The following DCC variants were observed in gnomAD, a reference collection of about 807,000 sequenced individuals.
DCC encodes netrin receptor DCC.
A neutral mutation model predicts 172.5 loss-of-function variants in DCC; 58 were observed. That is an observed-to-expected ratio of 0.34 (90% CI 0.27 to 0.42). The LOEUF is 0.42. Ranked by LOEUF, DCC falls within the 10% of genes least tolerant of loss-of-function variation. The pLI is 1.00. For missense variants in DCC, 1,740 were observed against 1,791.0 expected (o/e 0.97, Z 0.51); for synonymous variants, 709 against 644.5 (o/e 1.10, Z -1.52).
chr18:52,945,162 A>G (rs546613372), intron 5 of DCC, among the ~76,000 whole-genome samples: 1 of 152,352 alleles, frequency 6.6e-6, no homozygotes, highest in African/African-American at 2.4e-5. Context: ...TAATTTGACA[A>G]TTATGCCCCC....
At chr18:53,021,998 T>C (rs2041888283) in intron 5 of DCC, among the ~76,000 whole-genome samples, 1 of 152,218 alleles carries the variant, frequency 6.6e-6, no homozygotes, top group Admixed American at 6.5e-5. Context: ...AATTAAAATG[T>C]TGGGAAAGCT....
At chr18:53,096,218 A>T (rs2043086245) in intron 7 of DCC, among the ~76,000 whole-genome samples, 1 of 152,182 alleles carries the variant, frequency 6.6e-6, no homozygotes, top group Non-Finnish European at 1.5e-5. Flanking sequence ...GCAAGTCTAT[A>T]GTCCTAGCTA....
At chr18:53,412,312 A>C (rs1910028813) in intron 20 of DCC, among the ~76,000 whole-genome samples, 1 of 152,144 alleles carries the variant, frequency 6.6e-6, no homozygotes, top group Non-Finnish European at 1.5e-5. Context: ...ATATGCTAAA[A>C]TAAGTTTTTG....
intron 21 of DCC, among the ~76,000 whole-genome samples, chr18:53,433,482 C>T (rs768902793): frequency 2.0e-4 from 30 of 152,144 alleles, no homozygotes; most frequent in Non-Finnish European, 3.7e-4. Context: ...CTTTACTGGC[C>T]TAAGTGATGA....
intron 1 of DCC, among the ~76,000 whole-genome samples, chr18:52,506,237 A>C (rs2031225828): frequency 6.6e-6 from 1 of 152,146 alleles, no homozygotes; most frequent in African/African-American, 2.4e-5. Context: ...CTTATTGACA[A>C]GCTAAAATTT....
At position 53,369,448 on chromosome 18, in the gene DCC, T is replaced by G. The variant is rs371225345; in HGVS notation, c.2360-16595T>G. ...TGCAAACAATAAAATTTTACTTCTTTTTTTTCCAGTTCAGAATCCTTCTAT... is the reference window on the plus strand; with the variant it reads ...TGCAAACAATAAAATTTTACTTCTTGTTTTTCCAGTTCAGAATCCTTCTAT... On this transcript the variant is annotated intron_variant, in intron 15 of 28. Coordinates refer to ENST00000442544, the MANE Select transcript of DCC (RefSeq NM_005215.4). 9.2e-5 allele frequency among the ~76,000 whole-genome samples: 14 copies of G among 151,944 alleles called. No homozygotes were observed. The East Asian group carries it at 1.5e-3, about 17-fold the overall frequency.
intron 7 of DCC, among the ~76,000 whole-genome samples, chr18:53,107,541 G>GAAA (rs11458727): frequency 0.34 from 46,547 of 137,168 alleles, 8,463 homozygotes; most frequent in Non-Finnish European, 0.41. Flanking sequence ...AAAAAGGAAG[G>GAAA]AAAAAAAAAA....
chr18:53,396,076 T>A (rs1908919852), intron 17 of DCC, among the ~76,000 whole-genome samples: 1 of 151,510 alleles, frequency 6.6e-6, no homozygotes, highest in African/African-American at 2.4e-5. Context: ...ACAATTTTCA[T>A]AACTATAACC....
At chr18:53,249,434 A>G (rs1171323458) in intron 12 of DCC, among the ~76,000 whole-genome samples, 1 of 151,888 alleles carries the variant, frequency 6.6e-6, no homozygotes, top group East Asian at 1.9e-4. Context: ...GGGTTTTATG[A>G]CAGATCAAGG....
chr18:52,435,765 C>T (rs759066542), intron 1 of DCC, among the ~76,000 whole-genome samples: 8 of 152,152 alleles, frequency 5.3e-5, no homozygotes, highest in South Asian at 2.1e-4. Flanking sequence ...CTCGCTGCCC[C>T]GTGTTGGGGC....
At chr18:52,771,167 C>A (rs2037336137) in intron 2 of DCC, among the ~76,000 whole-genome samples, 1 of 152,170 alleles carries the variant, frequency 6.6e-6, no homozygotes, top group Non-Finnish European at 1.5e-5. Flanking sequence ...GATGGCCCAG[C>A]ATTAGAGCTG....
At chr18:52,494,167 T>C (rs1454376407) in intron 1 of DCC, among the ~76,000 whole-genome samples, 1 of 152,102 alleles carries the variant, frequency 6.6e-6, no homozygotes, top group African/African-American at 2.4e-5. Context: ...TCAACTATTA[T>C]TTCTCCTTTG....
At chr18:53,057,712 A>G (rs1215689723) in intron 5 of DCC, among the ~76,000 whole-genome samples, 1 of 152,120 alleles carries the variant, frequency 6.6e-6, no homozygotes, top group Non-Finnish European at 1.5e-5. Context: ...AATTTGATAA[A>G]CTTAAAAATT....
At chr18:53,356,784 T>C (rs1237646636) in intron 15 of DCC, among the ~76,000 whole-genome samples, 2 of 152,210 alleles carry the variant, frequency 1.3e-5, no homozygotes, top group Non-Finnish European at 2.9e-5. Flanking sequence ...TCTGTGGTAT[T>C]CTTCCCCATC....
chr18:52,709,060 C>T (rs2036254942), intron 1 of DCC, among the ~76,000 whole-genome samples: 2 of 152,156 alleles, frequency 1.3e-5, no homozygotes, highest in Admixed American at 6.5e-5. Context: ...ACCTCCATCC[C>T]TATCTTTCAC....
At chr18:52,350,553 C>T (rs2144242860) in intron 1 of DCC, among the ~76,000 whole-genome samples, 1 of 152,084 alleles carries the variant, frequency 6.6e-6, no homozygotes, top group South Asian at 2.1e-4. Context: ...GGAGGGATAG[C>T]AATAGGAGAA....
chr18:52,908,907 C>T (rs2039928474), intron 3 of DCC, among the ~76,000 whole-genome samples: 1 of 152,034 alleles, frequency 6.6e-6, no homozygotes, highest in African/African-American at 2.4e-5. Context: ...CACGTGTGTA[C>T]ACATGCATGC....
chr18:52,908,456 T>C (rs1469517949), intron 3 of DCC, among the ~76,000 whole-genome samples: 1 of 152,234 alleles, frequency 6.6e-6, no homozygotes, highest in Non-Finnish European at 1.5e-5. Context: ...ATATTATTAA[T>C]AATGCATCTG....
chr18:52,731,955 G>C (rs2036649110), intron 1 of DCC, among the ~76,000 whole-genome samples: 1 of 152,060 alleles, frequency 6.6e-6, no homozygotes, highest in Admixed American at 6.6e-5. Context: ...CTTAGGAGTG[G>C]AATTACTAGA....
Sources: allele counts gnomAD v4.1 joint callset (sites outside exome capture counted in the v4.1 genomes callset), GRCh38; gene constraint gnomAD v4.1.1; transcripts MANE v1.5; gene names NCBI Gene and HGNC (gene_info 2026-07-23, HGNC 2026-07-21).